Variants in AUTS2 observed in about 807,000 individuals in gnomAD.
The protein encoded by AUTS2 is activator of transcription and developmental regulator AUTS2, also known as autism susceptibility gene 2 protein.
A neutral mutation model predicts 112.4 loss-of-function variants in AUTS2; 17 were observed. That is an observed-to-expected ratio of 0.15 (90% CI 0.10 to 0.23). The LOEUF (loss-of-function observed/expected upper bound fraction) is 0.23, where lower values mean the gene tolerates loss of function less well. Among genes scored for constraint, AUTS2 ranks in the 10% least tolerant of loss-of-function variants. The pLI is 1.00. For missense variants in AUTS2, 1,510 were observed against 1,701.6 expected, an observed-to-expected ratio of 0.89 and a Z score of 1.98; for synonymous variants, 751 against 702.7, an observed-to-expected ratio of 1.07 and a Z score of -1.09.
intron 5 of AUTS2, among the ~76,000 whole-genome samples, chr7:70,549,301 G>A (rs144310199): frequency 6.6e-6 from 1 of 152,034 alleles, no homozygotes. Flanking sequence ...CAGGATCATG[G>A]CATCTTGGAA....
In AUTS2 at chr7:70,787,504, C is replaced by T. The variant is rs934366098; in HGVS notation, c.2531+73C>T. On this transcript the variant is annotated intron_variant, in intron 18 of 18. Coordinates refer to ENST00000342771, the MANE Select transcript of AUTS2 (RefSeq NM_015570.4). ...TGCCAAGTACCAGTGGAACTGGCCGCCCACCCTCCCTGTCCCAGCCTCGTG... is the reference window on the plus strand; with the variant it reads ...TGCCAAGTACCAGTGGAACTGGCCGTCCACCCTCCCTGTCCCAGCCTCGTG... The T allele has an allele frequency of 1.6e-5, 18 of 1,098,340 alleles. No individual in the cohort carries two copies. The African/African-American group carries it at 2.4e-4, about 14-fold the overall frequency. 68.0% of individuals were successfully genotyped at this position (1,098,340 alleles called of 1,614,324 possible). A position where few individuals can be genotyped will look rare whatever the true frequency, so the allele number is the denominator to read the frequency against.
intron 2 of AUTS2, among the ~76,000 whole-genome samples, chr7:70,094,865 T>C (rs370131163): frequency 2.0e-5 from 3 of 152,170 alleles, no homozygotes; most frequent in East Asian, 3.8e-4. Context: ...AGAGAAATTA[T>C]GGATACTTTC....
At chr7:70,210,704 ATT>A (rs1188856002) in intron 4 of AUTS2, among the ~76,000 whole-genome samples, 2 of 152,194 alleles carry the variant, frequency 1.3e-5, no homozygotes, top group Non-Finnish European at 2.9e-5. Context: ...GAAAGAAGCC[ATT>A]TGAAATAACC....
At chr7:70,636,185 G>T (rs543267351) in intron 5 of AUTS2, among the ~76,000 whole-genome samples, 7 of 152,314 alleles carry the variant, frequency 4.6e-5, no homozygotes, top group Non-Finnish European at 7.4e-5. Flanking sequence ...GTGTCACGAG[G>T]AGTGGCCCGG....
At chr7:69,704,046 T>C (rs1254422635) in intron 1 of AUTS2, among the ~76,000 whole-genome samples, 3 of 152,164 alleles carry the variant, frequency 2.0e-5, no homozygotes, top group East Asian at 1.9e-4. Flanking sequence ...CTCTCTGTCA[T>C]CCTTTTCTCT....
At chr7:69,971,436 T>C (rs140702774) in intron 2 of AUTS2, among the ~76,000 whole-genome samples, 64 of 152,296 alleles carry the variant, frequency 4.2e-4, no homozygotes, top group Non-Finnish European at 7.1e-4. Flanking sequence ...TTTTAAGAAA[T>C]AAAATGTAAA....
At chr7:70,229,985 C>T (rs1463846694) in intron 4 of AUTS2, among the ~76,000 whole-genome samples, 4 of 152,096 alleles carry the variant, frequency 2.6e-5, no homozygotes, top group Admixed American at 2.6e-4. Flanking sequence ...ATTAAATCTC[C>T]AAACTTTTTC....
At chr7:70,655,090 G>A (rs961863953) in intron 5 of AUTS2, among the ~76,000 whole-genome samples, 14 of 152,178 alleles carry the variant, frequency 9.2e-5, no homozygotes, top group African/African-American at 3.1e-4. Flanking sequence ...AGCCTGTGGC[G>A]GGAAGCCATC....
At chr7:70,365,924 G>A (rs1484804012) in intron 4 of AUTS2, among the ~76,000 whole-genome samples, 1 of 152,222 alleles carries the variant, frequency 6.6e-6, no homozygotes, top group Non-Finnish European at 1.5e-5. Context: ...AATGGAAAGA[G>A]ACGGTGGGAA....
chr7:70,367,950 T>C (rs1477412488), intron 4 of AUTS2, among the ~76,000 whole-genome samples: 1 of 152,084 alleles, frequency 6.6e-6, no homozygotes, highest in African/African-American at 2.4e-5. Context: ...GTATTCAGTG[T>C]TTAGGGTGAT....
chr7:70,326,166 T>G (rs968460583), intron 4 of AUTS2, among the ~76,000 whole-genome samples: 4 of 152,102 alleles, frequency 2.6e-5, no homozygotes. Context: ...GCTGCTGATA[T>G]GCTCTTCCAA....
intron 6 of AUTS2, among the ~76,000 whole-genome samples, chr7:70,749,681 C>A (rs1488554914): frequency 6.6e-6 from 1 of 152,154 alleles, no homozygotes; most frequent in Non-Finnish European, 1.5e-5. Flanking sequence ...TTGGCAGCAC[C>A]CAGGTCCCCT....
intron 1 of AUTS2, among the ~76,000 whole-genome samples, chr7:69,863,628 G>A (rs1793089595): frequency 6.6e-6 from 1 of 152,196 alleles, no homozygotes; most frequent in Non-Finnish European, 1.5e-5. Context: ...CATGCCCCCA[G>A]TAATTATTCT....
rs113595762 is a variant in AUTS2 at position 70,088,320 on chromosome 7, G to A, written c.523-29812G>A. On this transcript the variant is annotated intron_variant, in intron 2 of 18. Transcript: ENST00000342771. ...GTTTTTGTATTTTTAGTAGAGATGG[G>A]GTTTCACCATGTTAGCCAGGATCGT... 1.6e-3 allele frequency among the ~76,000 whole-genome samples: 244 copies of A among 151,800 alleles called. 6 individuals carry two copies. Among genetic ancestry groups the A allele is most frequent in the African/African-American group, 5.6e-3 (230 of 41,406 alleles).
At chr7:69,888,644 C>T (rs1008670787) in intron 1 of AUTS2, among the ~76,000 whole-genome samples, 2 of 149,700 alleles carry the variant, frequency 1.3e-5, no homozygotes, top group East Asian at 2.0e-4. Context: ...TGCAGTGGTG[C>T]GATCTCGGCT....
chr7:70,744,482 G>T (rs1006733718), intron 6 of AUTS2, among the ~76,000 whole-genome samples: 3 of 152,090 alleles, frequency 2.0e-5, no homozygotes, highest in Non-Finnish European at 4.4e-5. Flanking sequence ...CTTTAGTCAG[G>T]ACTAAAAGCC....
intron 12 of AUTS2, 54 bp from the exon 13 acceptor site, chr7:70,775,303 G>A (rs1467641372): frequency 1.3e-6 from 2 of 1,515,006 alleles, no homozygotes; most frequent in Admixed American, 3.6e-5. Context: ...TTGTTAATTA[G>A]AGCAATTGTT....
intron 4 of AUTS2, among the ~76,000 whole-genome samples, chr7:70,148,534 G>A (rs1011318146): frequency 6.6e-6 from 1 of 152,000 alleles, no homozygotes; most frequent in South Asian, 2.1e-4. Context: ...CAGCCCACTG[G>A]TCTGGTCAAA....
intron 4 of AUTS2, among the ~76,000 whole-genome samples, chr7:70,237,600 A>G (rs978615332): frequency 6.6e-6 from 1 of 152,240 alleles, no homozygotes; most frequent in Non-Finnish European, 1.5e-5. Flanking sequence ...TAATTAAAGA[A>G]TCTCAATTTA....
Sources: gnomAD v4.1 joint callset for allele counts (sites outside exome capture counted in the v4.1 genomes callset) on GRCh38, gnomAD v4.1.1 for gene constraint, MANE v1.5 for transcripts, NCBI Gene and HGNC (gene_info 2026-07-23, HGNC 2026-07-21) for gene names.